Variants in MAML3 observed in about 807,000 individuals in gnomAD.
MAML3 encodes mastermind like transcriptional coactivator 3.
Under a neutral mutation model 101.9 loss-of-function variants are expected in MAML3, and 27 were observed. That is an observed-to-expected ratio of 0.27 (90% confidence interval 0.20 to 0.37). The LOEUF is 0.37. Among genes scored for constraint, MAML3 ranks in the 10% least tolerant of loss-of-function variants. The pLI is 1.00. For missense variants in MAML3, 1,316 were observed against 1,444.9 expected (o/e 0.91, Z 1.45); for synonymous variants, 501 against 555.9 (o/e 0.90, Z 1.39).
intron 1 of MAML3, 111 bp downstream of exon 1, chr4:140,152,749 C>T (rs1050603708): frequency 6.7e-7 from 1 of 1,482,708 alleles, no homozygotes; most frequent in Admixed American, 2.4e-5. Context: ...GCCCACCTCA[C>T]CCACCGTGCA....
chr4:139,788,387 G>A (rs965677398), intron 2 of MAML3, among the ~76,000 whole-genome samples: 1 of 152,066 alleles, frequency 6.6e-6, no homozygotes, highest in Non-Finnish European at 1.5e-5. Flanking sequence ...GTTTTTTCAT[G>A]ATTATTTCCT....
At chr4:140,143,545 G>T (rs1729009425) in intron 1 of MAML3, among the ~76,000 whole-genome samples, 1 of 152,176 alleles carries the variant, frequency 6.6e-6, no homozygotes, top group South Asian at 2.1e-4. Context: ...GGCGGATCAT[G>T]AGGTCAGGAG....
At chr4:139,750,909 C>G (rs1161306758) in intron 2 of MAML3, among the ~76,000 whole-genome samples, 1 of 152,158 alleles carries the variant, frequency 6.6e-6, no homozygotes, top group Non-Finnish European at 1.5e-5. Flanking sequence ...TGACTTAGGC[C>G]TCAGTTGAAA....
intron 2 of MAML3, among the ~76,000 whole-genome samples, chr4:139,820,420 G>C (rs530964580): frequency 6.6e-6 from 1 of 152,280 alleles, no homozygotes; most frequent in African/African-American, 2.4e-5. Context: ...TGATGAAAGT[G>C]TTTCTTCAAT....
chr4:139,906,809 A>G (rs1192908548), intron 1 of MAML3, among the ~76,000 whole-genome samples: 1 of 152,152 alleles, frequency 6.6e-6, no homozygotes, highest in Non-Finnish European at 1.5e-5. Flanking sequence ...CTACTTTTGC[A>G]TGGTTATAGC....
At chr4:140,006,389 C>A (rs952722235) in intron 1 of MAML3, among the ~76,000 whole-genome samples, 1 of 151,862 alleles carries the variant, frequency 6.6e-6, no homozygotes, top group Admixed American at 6.6e-5. Context: ...AGTTTGAGAC[C>A]AGCCTAACCA....
intron 1 of MAML3, among the ~76,000 whole-genome samples, chr4:139,927,457 C>T (rs548515865): frequency 2.6e-5 from 4 of 152,154 alleles, no homozygotes; most frequent in African/African-American, 4.8e-5. Flanking sequence ...GCTGAGACTA[C>T]GCAAATTCCG....
At chr4:139,782,837 C>T (rs1481385668) in intron 2 of MAML3, among the ~76,000 whole-genome samples, 1 of 152,134 alleles carries the variant, frequency 6.6e-6, no homozygotes, top group African/African-American at 2.4e-5. Context: ...CTTTGGGGCT[C>T]AATTTGGGAA....
At chr4:139,857,147 T>A (rs1248838294) in intron 2 of MAML3, among the ~76,000 whole-genome samples, 2 of 152,244 alleles carry the variant, frequency 1.3e-5, no homozygotes, top group Non-Finnish European at 2.9e-5. Context: ...GCTTAACCTC[T>A]GCAACTGGTT....
At chr4:139,962,421 T>G (rs555537259) in intron 1 of MAML3, among the ~76,000 whole-genome samples, 1 of 152,328 alleles carries the variant, frequency 6.6e-6, no homozygotes, top group Non-Finnish European at 1.5e-5. Flanking sequence ...AGCTATTAAG[T>G]CAGTAGATAG....
intron 1 of MAML3, among the ~76,000 whole-genome samples, chr4:139,944,133 G>A (rs1434472897): frequency 6.6e-6 from 1 of 151,936 alleles, no homozygotes; most frequent in Non-Finnish European, 1.5e-5. Flanking sequence ...GCCTCCCAAA[G>A]TGCTGGGATT....
intron 1 of MAML3, among the ~76,000 whole-genome samples, chr4:140,039,341 T>C (rs1403765770): frequency 1.3e-5 from 2 of 152,042 alleles, no homozygotes; most frequent in African/African-American, 2.4e-5. Context: ...GTACGGTCAA[T>C]TGGGCATGTT....
At chr4:140,126,169 T>C (rs568590600) in intron 1 of MAML3, among the ~76,000 whole-genome samples, 2 of 81,634 alleles carry the variant, frequency 2.4e-5, no homozygotes, top group East Asian at 4.3e-4. Context: ...GTAATAAGCA[T>C]TGTTTAAAAA....
chr4:139,812,209 G>A (rs1578612861), intron 2 of MAML3, among the ~76,000 whole-genome samples: 1 of 152,146 alleles, frequency 6.6e-6, no homozygotes, highest in African/African-American at 2.4e-5. Context: ...CTATGGTTGT[G>A]CTACTGCACT....
chr4:140,049,868 G>A (rs1451642580), intron 1 of MAML3, among the ~76,000 whole-genome samples: 2 of 144,726 alleles, frequency 1.4e-5, no homozygotes, highest in East Asian at 1.9e-4. Context: ...AAAGCAATTG[G>A]CTACGTAATC....
intron 2 of MAML3, among the ~76,000 whole-genome samples, chr4:139,751,562 T>A (rs1729501499): frequency 6.6e-6 from 1 of 152,110 alleles, no homozygotes; most frequent in African/African-American, 2.4e-5. Flanking sequence ...GCTCAAAAAA[T>A]TTTGGATTTT....
At chr4:139,936,446 T>C (rs985277642) in intron 1 of MAML3, among the ~76,000 whole-genome samples, 1 of 152,226 alleles carries the variant, frequency 6.6e-6, no homozygotes, top group African/African-American at 2.4e-5. Flanking sequence ...AGTTCTCTTT[T>C]TAATGTTTTG....
chr4:140,029,000 G>T (rs2110888346), intron 1 of MAML3, among the ~76,000 whole-genome samples: 1 of 152,196 alleles, frequency 6.6e-6, no homozygotes, highest in South Asian at 2.1e-4. Context: ...ATGATGTCCA[G>T]TCTTCGAGGT....
intron 1 of MAML3, among the ~76,000 whole-genome samples, chr4:139,978,193 C>CA (rs34495888): frequency 4.6e-5 from 7 of 151,726 alleles, no homozygotes; most frequent in African/African-American, 7.3e-5. Context: ...AAGAAGGTTA[C>CA]AAAAAAAAGT....
Sources: gnomAD v4.1 joint callset for allele counts (sites outside exome capture counted in the v4.1 genomes callset) on GRCh38, gnomAD v4.1.1 for gene constraint, MANE v1.5 for transcripts, NCBI Gene and HGNC (gene_info 2026-07-23, HGNC 2026-07-21) for gene names.